Variants in METTL15 observed in about 807,000 individuals in gnomAD.
The protein encoded by METTL15 is methyltransferase 15, mitochondrial 12S rRNA N4-cytidine, also known as 12S rRNA N(4)-cytidine methyltransferase METTL15.
A neutral mutation model predicts 38.3 loss-of-function variants in METTL15; 34 were observed. The ratio of observed to expected loss-of-function variants is 0.89; its 90% confidence interval spans 0.68 to 1.18. The LOEUF is 1.18. Ranked by LOEUF, METTL15 falls within the 50% of genes most tolerant of loss-of-function variation. The pLI is 0.00. For synonymous variants in METTL15, 162 were observed against 170.9 expected (o/e 0.95, Z 0.41); for missense variants, 438 against 498.4 (o/e 0.88, Z 1.15).
downstream of METTL15, among the ~76,000 whole-genome samples, chr11:28,528,246 T>C (rs2133519393): frequency 6.6e-6 from 1 of 152,328 alleles, no homozygotes; most frequent in East Asian, 1.9e-4. Flanking sequence ...TACTTTATTT[T>C]TGAAGGCTTC....
rs577948741 is a variant in METTL15 at position 28,228,672 on chromosome 11, A to G, written c.407+17474A>G. ...ACCTTATTGTTGATGAAGTGTCTTG[A>G]TCAAAATTTTTTGAAAACCACCATG... On this transcript the variant is annotated intron_variant, in intron 4 of 6. Coordinates refer to ENST00000407364, the MANE Select transcript of METTL15 (RefSeq NM_001113528.2). 2.2e-4 allele frequency among the ~76,000 whole-genome samples: 34 copies of G among 152,026 alleles called. No homozygotes were observed. The South Asian group carries it at 4.3e-3, about 19-fold the overall frequency.
chr11:28,437,587 G>A (rs1419832297), intron 6 of METTL15, among the ~76,000 whole-genome samples: 1 of 152,202 alleles, frequency 6.6e-6, no homozygotes, highest in Middle Eastern at 3.2e-3. Context: ...GATTTCAGCA[G>A]ATGAATATGC....
At chr11:28,372,450 C>CTTTTTT (rs56304548) in intron 5 of METTL15, among the ~76,000 whole-genome samples, 2 of 101,574 alleles carry the variant, frequency 2.0e-5, no homozygotes, top group Non-Finnish European at 4.1e-5. Flanking sequence ...TTGTTGTGTT[C>CTTTTTT]TTTTTTTTTT....
intron 3 of METTL15, among the ~76,000 whole-genome samples, chr11:28,162,144 G>T (rs1031465308): frequency 3.3e-5 from 5 of 152,126 alleles, no homozygotes; most frequent in African/African-American, 1.2e-4. Context: ...CCAAGACGTT[G>T]CCATAGTTCA....
intron 6 of METTL15, among the ~76,000 whole-genome samples, chr11:28,308,880 A>G (rs61889052): frequency 2.3e-4 from 27 of 119,618 alleles, no homozygotes; most frequent in South Asian, 8.6e-4. Flanking sequence ...GATTAGATAG[A>G]TAGGTAGGTA....
At chr11:28,490,214 T>C (rs2133481135) in intron 6 of METTL15, among the ~76,000 whole-genome samples, 1 of 152,280 alleles carries the variant, frequency 6.6e-6, no homozygotes, top group East Asian at 1.9e-4. Flanking sequence ...TAACTTCTCT[T>C]GCATTCTCAC....
At chr11:28,130,621 T>C (rs2133630779) in intron 3 of METTL15, among the ~76,000 whole-genome samples, 1 of 152,218 alleles carries the variant, frequency 6.6e-6, no homozygotes, top group Admixed American at 6.5e-5. Flanking sequence ...GAGATGAAGG[T>C]CACTGGATTT....
chr11:28,191,491 G>T (rs1047867931), intron 3 of METTL15, among the ~76,000 whole-genome samples: 1 of 151,182 alleles, frequency 6.6e-6, no homozygotes, highest in Non-Finnish European at 1.5e-5. Context: ...TCTTCCAAAA[G>T]GTTTTTTTTC....
rs546440890 is a variant in METTL15 at position 28,266,961 on chromosome 11, A to G, written c.408-23245A>G. Among the ~76,000 whole-genome samples, 45 of 152,108 alleles carry G rather than the reference A, an allele frequency of 3.0e-4. No individual in the cohort carries two copies. The East Asian group carries it at 6.8e-3, about 23-fold the overall frequency. ...GATCACTTGAGGTCAAGAGTTCGAG[A>G]CCAGCCTGGCCAACATGGTGAAACC... On this transcript the variant is annotated intron_variant, in intron 4 of 6. Coordinates refer to ENST00000407364, the MANE Select transcript of METTL15 (RefSeq NM_001113528.2).
chr11:28,487,256 G>A (rs879824905), intron 6 of METTL15, among the ~76,000 whole-genome samples: 3 of 151,994 alleles, frequency 2.0e-5, no homozygotes, highest in East Asian at 1.9e-4. Flanking sequence ...CTATGAGGAC[G>A]TTCATCTCAG....
intron 5 of METTL15, among the ~76,000 whole-genome samples, chr11:28,406,792 GC>G (rs1320851338): frequency 3.3e-5 from 5 of 152,094 alleles, no homozygotes; most frequent in African/African-American, 4.8e-5. Context: ...TCCAGCTTTT[GC>G]CCATTCAGTA....
chr11:28,497,551 A>C (rs941177160), intron 6 of METTL15, among the ~76,000 whole-genome samples: 2 of 152,210 alleles, frequency 1.3e-5, no homozygotes, highest in Non-Finnish European at 2.9e-5. Flanking sequence ...GTGCTGCTAT[A>C]ACAGAATACC....
rs965783796 is a variant in METTL15 at position 28,330,877 on chromosome 11, C to T, written c.*36C>T. On this transcript the variant is annotated 3_prime_UTR_variant, in exon 7 of 7. Transcript: ENST00000407364. Reference sequence around the variant, plus strand: ...TCTTATTCTTCAAATTTTTTTCTCACAATTTCTCTAATCTTTACTCATGTT... The same window carrying T: ...TCTTATTCTTCAAATTTTTTTCTCATAATTTCTCTAATCTTTACTCATGTT... The T allele has an allele frequency of 2.1e-6, 3 of 1,462,654 alleles. No individual in the cohort carries two copies. The African/African-American group carries it at 4.3e-5, about 21-fold the overall frequency. 90.6% of individuals were successfully genotyped at this position (1,462,654 alleles called of 1,614,324 possible). A position where few individuals can be genotyped will look rare whatever the true frequency, so the allele number is the denominator to read the frequency against.
chr11:28,472,016 A>G (rs1414050232), intron 6 of METTL15, among the ~76,000 whole-genome samples: 1 of 152,156 alleles, frequency 6.6e-6, no homozygotes, highest in African/African-American at 2.4e-5. Context: ...AAAAAGACTA[A>G]AATGTCCAGC....
At chr11:28,397,928 G>A (rs529555801) in intron 5 of METTL15, among the ~76,000 whole-genome samples, 8 of 152,238 alleles carry the variant, frequency 5.3e-5, no homozygotes, top group Admixed American at 1.3e-4. Context: ...ATGAGTTCAT[G>A]TCCTTTGTGG....
intron 5 of METTL15, among the ~76,000 whole-genome samples, chr11:28,405,113 A>C (rs901013352): frequency 6.6e-6 from 1 of 152,154 alleles, no homozygotes; most frequent in Admixed American, 6.6e-5. Context: ...AGCTTGGGCT[A>C]TTGTTCTAAG....
intron 5 of METTL15, among the ~76,000 whole-genome samples, chr11:28,386,628 G>T (rs1343591509): frequency 6.6e-6 from 1 of 151,920 alleles, no homozygotes; most frequent in African/African-American, 2.4e-5. Context: ...TTAATATTAG[G>T]ATACTCTACT....
chr11:28,192,934 G>C (rs1851752420), intron 3 of METTL15, among the ~76,000 whole-genome samples: 1 of 152,068 alleles, frequency 6.6e-6, no homozygotes, highest in Non-Finnish European at 1.5e-5. Flanking sequence ...GACTTTATGT[G>C]TGTAGACTTT....
chr11:28,259,306 G>A (rs1172281816), intron 4 of METTL15, among the ~76,000 whole-genome samples: 2 of 151,958 alleles, frequency 1.3e-5, no homozygotes, highest in African/African-American at 4.8e-5. Context: ...GAAGGGACAG[G>A]TCTCCTTTAG....
Sources: gnomAD v4.1 joint callset for allele counts (sites outside exome capture counted in the v4.1 genomes callset) on GRCh38, gnomAD v4.1.1 for gene constraint, MANE v1.5 for transcripts, NCBI Gene and HGNC (gene_info 2026-07-23, HGNC 2026-07-21) for gene names.